The following DYNLT2 variants were observed in gnomAD, a reference collection of about 807,000 sequenced individuals.
DYNLT2 encodes the protein dynein light chain Tctex-type 2.
Under a neutral mutation model 24.3 loss-of-function variants are expected in DYNLT2, and 24 were observed. The observed-to-expected ratio is 0.99, with a 90% CI of 0.71 to 1.39. The LOEUF is 1.39. DYNLT2 is among the 40% of genes most tolerant of loss of function. The pLI is 0.00. For synonymous variants in DYNLT2, 85 were observed against 85.4 expected, an observed-to-expected ratio of 1.00 and a Z score of 0.03; for missense variants, 246 against 234.5, an observed-to-expected ratio of 1.05 and a Z score of -0.32.
chr6:169,730,360 G>T, the DYNLT2 span, among the ~76,000 whole-genome samples: 1,140 of 152,210 alleles, frequency 7.5e-3, 2 homozygotes, highest in Non-Finnish European at 0.012. Context: ...ACAGGTAAAA[G>T]ATTATATATT....
downstream of DYNLT2, among the ~76,000 whole-genome samples, chr6:169,739,904 C>G (rs1235694085): frequency 6.6e-6 from 1 of 152,084 alleles, no homozygotes; most frequent in Non-Finnish European, 1.5e-5. Flanking sequence ...TTTCCCTATA[C>G]TCTACTATAA....
chr6:169,742,643 G>A (rs1789704034), intron 3 of DYNLT2, among the ~76,000 whole-genome samples: 1 of 151,974 alleles, frequency 6.6e-6, no homozygotes, highest in South Asian at 2.1e-4. Context: ...CTGTTGCCCA[G>A]GCTGGAGTGC....
rs372716699 is a variant in DYNLT2, at chr6:169,743,136, G to T, written c.430C>A (p.Arg144Ser). The change falls in exon 3 of 4, where the codon CGT becomes AGT. Residue 144 changes from arginine (R) to serine (S), a missense_variant. Physicochemically the swap from Arg to Ser is moderately radical, Grantham distance 110. Coordinates refer to ENST00000366774, the MANE Select transcript of DYNLT2 (RefSeq NM_174910.3). Reference protein sequence around the residue: ...LLAVKEFGYHRYKFIIKVLFI... With the variant: ...LLAVKEFGYHSYKFIIKVLFI... ...AATACTTTTATAATGAACTTATAAC[G>T]GTGGTACCCAAATTCTTTGACTGCT... 6.3e-7 allele frequency: 1 copy of T among 1,579,744 alleles called. No individual in the cohort carries two copies.
At chr6:169,741,165 C>T (rs1453214363) in intron 3 of DYNLT2, among the ~76,000 whole-genome samples, 2 of 152,164 alleles carry the variant, frequency 1.3e-5, no homozygotes, top group Non-Finnish European at 2.9e-5. Flanking sequence ...TATGTCCCCA[C>T]CCTGTGAATA....
intron 1 of DYNLT2, among the ~76,000 whole-genome samples, chr6:169,748,899 CCTTTT>C (rs1789875578): frequency 2.0e-5 from 3 of 152,142 alleles, no homozygotes; most frequent in Admixed American, 2.0e-4. Context: ...GTATTTTATT[CCTTTT>C]ATTAAGAATC....
In DYNLT2 at chr6:169,751,443, G is replaced by C; in HGVS notation, c.16C>G (p.Arg6Gly). 6.2e-7 allele frequency: 1 copy of C among 1,613,998 alleles called. No individual in the cohort carries two copies. The highest frequency in any genetic ancestry group is 1.7e-5 in the Admixed American group (1 of 60,020). MEKRG[R>G]GVKSSPIQTP... Reference sequence around the variant, plus strand: ...TGGATGGGGCTCGACTTCACGCCTCGGCCTCGCTTCTCCATCTCGCTCTGT... The same window carrying C: ...TGGATGGGGCTCGACTTCACGCCTCCGCCTCGCTTCTCCATCTCGCTCTGT... The change falls in exon 1 of 4, where the codon CGA becomes GGA. Residue 6 changes from arginine (R) to glycine (G), a missense_variant. Transcript: ENST00000366774.
intron 1 of DYNLT2, among the ~76,000 whole-genome samples, chr6:169,747,254 C>G (rs1409608615): frequency 1.3e-5 from 2 of 151,962 alleles, no homozygotes; most frequent in Non-Finnish European, 2.9e-5. Context: ...TCACTGGTTT[C>G]AAGCAATTTT....
At position 169,740,809 on chromosome 6, in the gene DYNLT2, A is replaced by AG. The variant is rs1461666200; in HGVS notation, c.487-515_487-514insC. The stretch of plus-strand genomic sequence containing the variant: ...TTTGTGGAGGATCTAAAATGGCCCC[A>AG]ATTTTTTTTTTTTTTTGAGACATAG... On this transcript the variant is annotated intron_variant, in intron 3 of 3. Coordinates refer to ENST00000366774, the MANE Select transcript of DYNLT2 (RefSeq NM_174910.3). Among the ~76,000 whole-genome samples, 6 of 117,054 alleles carry AG rather than the reference A, an allele frequency of 5.1e-5. No homozygotes were observed. In the East Asian group the frequency reaches 1.2e-3, roughly 22 times the overall value. The allele number at this position is 117,054 out of a possible 152,430, so 76.8% of individuals were successfully genotyped here. A position where few individuals can be genotyped will look rare whatever the true frequency, so the allele number is the denominator to read the frequency against.
the DYNLT2 span, among the ~76,000 whole-genome samples, chr6:169,729,441 T>C: frequency 6.6e-6 from 1 of 152,190 alleles, no homozygotes; most frequent in Non-Finnish European, 1.5e-5. Context: ...TAATGATCCA[T>C]TTTTGTAAAA....
At chr6:169,729,584 T>A in the DYNLT2 span, among the ~76,000 whole-genome samples, 1 of 152,334 alleles carries the variant, frequency 6.6e-6, no homozygotes, top group East Asian at 1.9e-4. Context: ...GATTGTGATA[T>A]CTGCTATGGA....
chr6:169,725,372 A>T, the DYNLT2 span: 1 of 398,500 alleles, frequency 2.5e-6, no homozygotes, highest in Admixed American at 4.4e-5. Flanking sequence ...AGCGCGTCAC[A>T]TTGACAAACA....
chr6:169,733,143 T>C, the DYNLT2 span, among the ~76,000 whole-genome samples: 3 of 152,140 alleles, frequency 2.0e-5, no homozygotes, highest in Non-Finnish European at 4.4e-5. Context: ...GTTTTTTTTT[T>C]CTTGTAAATA....
At chr6:169,741,114 G>A (rs564348383) in intron 3 of DYNLT2, among the ~76,000 whole-genome samples, 1 of 152,136 alleles carries the variant, frequency 6.6e-6, no homozygotes, top group South Asian at 2.1e-4. Context: ...GCCGAAAAAG[G>A]CCCAAATTCT....
intron 3 of DYNLT2, among the ~76,000 whole-genome samples, chr6:169,741,502 T>C (rs1789678214): frequency 1.3e-5 from 2 of 152,172 alleles, no homozygotes; most frequent in African/African-American, 4.8e-5. Flanking sequence ...CTGAGCTGAC[T>C]CACAGAAAGT....
the DYNLT2 span, among the ~76,000 whole-genome samples, chr6:169,730,887 T>C: frequency 6.6e-6 from 1 of 152,212 alleles, no homozygotes; most frequent in East Asian, 1.9e-4. Flanking sequence ...TTTATGTGAG[T>C]GATCTTCACA....
downstream of DYNLT2, among the ~76,000 whole-genome samples, chr6:169,738,347 C>T (rs1789603703): frequency 6.6e-6 from 1 of 152,228 alleles, no homozygotes. Context: ...ATTGGGTAAG[C>T]TTAAGCAGAT....
intron 1 of DYNLT2, among the ~76,000 whole-genome samples, chr6:169,744,686 A>C (rs984404723): frequency 3.3e-5 from 5 of 152,120 alleles, no homozygotes; most frequent in Admixed American, 3.3e-4. Flanking sequence ...ATTGTCTTAA[A>C]ATTTTATTTT....
the DYNLT2 span, among the ~76,000 whole-genome samples, chr6:169,728,752 G>C: frequency 6.6e-6 from 1 of 152,054 alleles, no homozygotes; most frequent in Non-Finnish European, 1.5e-5. Flanking sequence ...AAAAACAAAA[G>C]AAAACAAAAC....
chr6:169,727,645 G>T, the DYNLT2 span, among the ~76,000 whole-genome samples: 3 of 151,908 alleles, frequency 2.0e-5, no homozygotes, highest in Non-Finnish European at 4.4e-5. Flanking sequence ...CTCACTGCAA[G>T]CTCCACCTCC....
Sources: allele counts gnomAD v4.1 joint callset (sites outside exome capture counted in the v4.1 genomes callset), GRCh38; gene constraint gnomAD v4.1.1; transcripts MANE v1.5; gene names NCBI Gene and HGNC (gene_info 2026-07-23, HGNC 2026-07-21).